Variants in SHROOM4 observed in about 807,000 individuals in gnomAD.
SHROOM4 encodes the protein shroom family member 4, also known as protein Shroom4.
SHROOM4 carries 17 observed loss-of-function variants against 80.3 expected under a neutral mutation model. The observed-to-expected ratio is 0.21, with a 90% confidence interval of 0.14 to 0.32. The LOEUF (loss-of-function observed/expected upper bound fraction) is 0.32. SHROOM4 is among the 10% of genes least tolerant of loss of function. The probability of loss-of-function intolerance (pLI) is 1.00; values close to 1 mark genes in which losing one functional copy is unlikely to be tolerated. For missense variants in SHROOM4, 993 were observed against 1,140.3 expected, an observed-to-expected ratio of 0.87 and a Z score of 1.86; for synonymous variants, 400 against 437.5, an observed-to-expected ratio of 0.91 and a Z score of 1.07.
At chrX:50,618,773 T>A (rs73634239) in intron 5 of SHROOM4, among the ~76,000 whole-genome samples, 1 of 111,930 alleles carries the variant, frequency 8.9e-6, no homozygotes, top group African/African-American at 3.3e-5. Flanking sequence ...ACCATTATTG[T>A]CAGTTTGCAG....
intron 1 of SHROOM4, among the ~76,000 whole-genome samples, chrX:50,734,860 G>C (rs1934448484): frequency 9.0e-6 from 1 of 110,886 alleles, no homozygotes; most frequent in African/African-American, 3.3e-5. Context: ...GGTTTTATAG[G>C]AGGTTTCCTG....
At chrX:50,652,714 T>G (rs150669962) in intron 2 of SHROOM4, among the ~76,000 whole-genome samples, 2,891 of 112,195 alleles carry the variant, frequency 0.026, 92 homozygotes, top group African/African-American at 0.089. Flanking sequence ...GGTCTAACAT[T>G]TAAGTCTTTA....
chrX:50,783,375 C>T (rs1292879396), intron 1 of SHROOM4, among the ~76,000 whole-genome samples: 5 of 111,601 alleles, frequency 4.5e-5, no homozygotes, highest in Non-Finnish European at 9.4e-5. Context: ...AAAAGATGTA[C>T]ATGACCTAGA....
At chrX:50,655,125 CT>C (rs781949862) in intron 2 of SHROOM4, among the ~76,000 whole-genome samples, 9 of 109,272 alleles carry the variant, frequency 8.2e-5, no homozygotes, top group African/African-American at 3.0e-4. Flanking sequence ...TGATTTCATT[CT>C]TTTTTATGGC....
intron 8 of SHROOM4, 53 bp from the exon 9 acceptor site, chrX:50,597,017 C>T: frequency 8.5e-7 from 1 of 1,172,766 alleles, no homozygotes; most frequent in Non-Finnish European, 1.2e-6. Context: ...GGCATCTGTC[C>T]AACAGTGCTG....
At chrX:50,801,261 G>GGGGAGAGAGAGA (rs1557272561) in intron 1 of SHROOM4, among the ~76,000 whole-genome samples, 1 of 81,530 alleles carries the variant, frequency 1.2e-5, no homozygotes, top group African/African-American at 4.7e-5. Flanking sequence ...GAGAGAAAGA[G>GGGGAGAGAGAGA]GAGAGAGAGA....
intron 1 of SHROOM4, among the ~76,000 whole-genome samples, chrX:50,806,844 C>A (rs1557273069): frequency 8.9e-6 from 1 of 112,518 alleles, no homozygotes; most frequent in African/African-American, 3.2e-5. Flanking sequence ...TCCCCCAGAA[C>A]TGTGTAACAG....
intron 2 of SHROOM4, among the ~76,000 whole-genome samples, chrX:50,640,343 C>T (rs1193322458): frequency 4.5e-5 from 5 of 110,176 alleles, no homozygotes; most frequent in African/African-American, 6.6e-5. Flanking sequence ...ACACGGAGTT[C>T]TACTGAGTCT....
intron 1 of SHROOM4, among the ~76,000 whole-genome samples, chrX:50,716,990 C>T (rs184353284): frequency 1.7e-4 from 19 of 112,325 alleles, no homozygotes; most frequent in East Asian, 1.1e-3. Flanking sequence ...CAGCCTAAGT[C>T]GTACCTGACG....
At chrX:50,774,962 G>A (rs1372822954) in intron 1 of SHROOM4, among the ~76,000 whole-genome samples, 1 of 112,012 alleles carries the variant, frequency 8.9e-6, no homozygotes, top group African/African-American at 3.2e-5. Flanking sequence ...ATATACTTTT[G>A]TCATATAATC....
At chrX:50,694,047 A>T (rs1325131765) in intron 2 of SHROOM4, among the ~76,000 whole-genome samples, 2 of 111,611 alleles carry the variant, frequency 1.8e-5, no homozygotes, top group Non-Finnish European at 3.8e-5. Context: ...ACAGGATTTC[A>T]TTCTTTTTAT....
intron 1 of SHROOM4, among the ~76,000 whole-genome samples, chrX:50,737,320 C>T (rs982543715): frequency 9.0e-6 from 1 of 110,597 alleles, no homozygotes; most frequent in East Asian, 2.8e-4. Context: ...GTAGTCATGA[C>T]ACATACAGAA....
At chrX:50,668,999 A>G (rs1157511044) in intron 2 of SHROOM4, among the ~76,000 whole-genome samples, 1 of 112,747 alleles carries the variant, frequency 8.9e-6, no homozygotes, top group Non-Finnish European at 1.9e-5. Context: ...TAAGTGTAGA[A>G]TAGCATCATG....
chrX:50,653,061 G>T (rs781868258), intron 2 of SHROOM4, among the ~76,000 whole-genome samples: 10 of 111,123 alleles, frequency 9.0e-5, no homozygotes, highest in Admixed American at 4.8e-4. Context: ...CTCTTTTTTT[G>T]GTTCCATATG....
intron 2 of SHROOM4, among the ~76,000 whole-genome samples, chrX:50,681,913 C>A (rs2147417715): frequency 8.9e-6 from 1 of 111,900 alleles, no homozygotes; most frequent in East Asian, 2.8e-4. Flanking sequence ...TGATCGTCTT[C>A]TTTTCCTCCC....
chrX:50,735,146 A>C (rs781877131), intron 1 of SHROOM4, among the ~76,000 whole-genome samples: 11 of 112,234 alleles, frequency 9.8e-5, no homozygotes, highest in Non-Finnish European at 1.9e-4. Flanking sequence ...AGAGCAATGG[A>C]ATGGCATTGA....
intron 1 of SHROOM4, among the ~76,000 whole-genome samples, chrX:50,700,193 T>C (rs782174105): frequency 2.1e-4 from 24 of 112,527 alleles, no homozygotes; most frequent in East Asian, 5.6e-4. Context: ...ATTGTTTAAA[T>C]TGATGTGTTT....
chrX:50,790,384 A>G (rs1935829905), intron 1 of SHROOM4, among the ~76,000 whole-genome samples: 1 of 111,920 alleles, frequency 8.9e-6, no homozygotes. Flanking sequence ...TTGAAAAAGA[A>G]TTAATGCCAA....
downstream of SHROOM4, among the ~76,000 whole-genome samples, chrX:50,582,800 A>G (rs782111336): frequency 1.8e-5 from 2 of 111,505 alleles, no homozygotes; most frequent in South Asian, 3.8e-4. Flanking sequence ...TTGAACCTCT[A>G]TTATTTAAAG....
Sources: gnomAD v4.1 joint callset for allele counts (sites outside exome capture counted in the v4.1 genomes callset) on GRCh38, gnomAD v4.1.1 for gene constraint, MANE v1.5 for transcripts, NCBI Gene and HGNC (gene_info 2026-07-23, HGNC 2026-07-21) for gene names.